RAB11FIP3: variants seen among roughly 807,000 people sequenced by gnomAD.
The protein encoded by RAB11FIP3 is rab11 family-interacting protein 3.
In RAB11FIP3, 17 loss-of-function variants were observed where a neutral mutation model predicts 77.8. That is an observed-to-expected ratio of 0.22 (90% CI 0.15 to 0.33). The LOEUF is 0.33. RAB11FIP3 is among the 10% of genes least tolerant of loss of function. The pLI, the probability that RAB11FIP3 is intolerant of heterozygous loss-of-function variation, is 1.00. For missense variants in RAB11FIP3, 1,005 were observed against 1,011.2 expected (o/e 0.99, Z 0.08); for synonymous variants, 437 against 448.2 (o/e 0.98, Z 0.31).
rs191348113 is a variant in RAB11FIP3, at chr16:465,653, A to G, written c.808+4156A>G. On this transcript the variant is annotated intron_variant, in intron 2 of 13. Coordinates refer to ENST00000262305, the MANE Select transcript of RAB11FIP3 (RefSeq NM_014700.4). The stretch of plus-strand genomic sequence containing the variant: ...GAGATGGAGTCTCGCTCTGTCGGCC[A>G]GGCTAGAGTGCAGTGGTGTGATCTC... Among the ~76,000 whole-genome samples the G allele has an allele frequency of 5.8e-3, 888 of 152,248 alleles. 6 individuals are homozygous for G. The highest frequency in any genetic ancestry group is 0.02 in the African/African-American group (827 of 41,540).
At chr16:439,200 T>C (rs1258788177) in intron 1 of RAB11FIP3, 1 of 152,236 alleles carries the variant, frequency 6.6e-6, no homozygotes, top group Non-Finnish European at 1.5e-5. Flanking sequence ...TTCAGTGTCA[T>C]GATTAGGGAG....
chr16:477,233 G>A (rs1327386059), intron 3 of RAB11FIP3, among the ~76,000 whole-genome samples: 1 of 152,102 alleles, frequency 6.6e-6, no homozygotes, highest in Non-Finnish European at 1.5e-5. Flanking sequence ...CAGCCTCGGC[G>A]ACAAGAGCGA....
At chr16:467,151 C>G (rs1465804988) in intron 2 of RAB11FIP3, among the ~76,000 whole-genome samples, 1 of 152,166 alleles carries the variant, frequency 6.6e-6, no homozygotes, top group African/African-American at 2.4e-5. Flanking sequence ...GCTAGGGAGG[C>G]AGAGGAGTGG....
intron 1 of RAB11FIP3, among the ~76,000 whole-genome samples, chr16:432,452 TC>T (rs1315436612): frequency 2.0e-5 from 3 of 151,790 alleles, no homozygotes; most frequent in African/African-American, 7.3e-5. Flanking sequence ...GCCCTTGTAA[TC>T]CCCCCATCCA....
rs937193950 is a variant in RAB11FIP3, at chr16:514,042, G to A, written c.1640+3242G>A. Among the ~76,000 whole-genome samples, 18 of 152,324 alleles carry A rather than the reference G, an allele frequency of 1.2e-4. No homozygotes were observed. The highest frequency in any genetic ancestry group is 4.1e-4 in the African/African-American group (17 of 41,574). On this transcript the variant is annotated intron_variant, in intron 9 of 13. Coordinates refer to ENST00000262305, the MANE Select transcript of RAB11FIP3 (RefSeq NM_014700.4). This position sits in a 1 kb window ranked among gnomAD's most constrained non-coding sequence, Gnocchi z 4.6. ...CGCCTCTGTGTGCTCTGGTGTGGAG[G>A]GGCACAAGATAGGGGTCTCACGAGG...
intron 5 of RAB11FIP3, among the ~76,000 whole-genome samples, chr16:493,966 C>T (rs963588167): frequency 1.4e-5 from 2 of 140,228 alleles, no homozygotes; most frequent in Non-Finnish European, 3.0e-5. Flanking sequence ...TGCGGTGGTG[C>T]GATCTCGGCT....
chr16:519,914 G>A (rs372557892), intron 11 of RAB11FIP3, 23 bp downstream of exon 11: 15 of 1,557,960 alleles, frequency 9.6e-6, no homozygotes, highest in African/African-American at 5.4e-5. Context: ...CCTGCCCCAC[G>A]CCCAGTCCTG....
At chr16:463,625 A>G (rs1212205325) in intron 2 of RAB11FIP3, among the ~76,000 whole-genome samples, 1 of 151,642 alleles carries the variant, frequency 6.6e-6, no homozygotes, top group Non-Finnish European at 1.5e-5. Context: ...TTTAGTAGAG[A>G]CAGGGTTTCT....
At chr16:476,776 C>CAA (rs1299433127) in intron 3 of RAB11FIP3, among the ~76,000 whole-genome samples, 9 of 53,658 alleles carry the variant, frequency 1.7e-4, no homozygotes, top group African/African-American at 5.8e-4. Context: ...GACTCTGTCT[C>CAA]AAAAAAAAAA....
intron 6 of RAB11FIP3, chr16:497,549 G>T: frequency 9.7e-7 from 1 of 1,028,570 alleles, no homozygotes; most frequent in Non-Finnish European, 1.2e-6. Context: ...AGCTTCCTCT[G>T]GAGCATCCCC....
intron 1 of RAB11FIP3, among the ~76,000 whole-genome samples, chr16:459,069 C>T (rs998040609): frequency 6.6e-6 from 1 of 151,750 alleles, no homozygotes; most frequent in African/African-American, 2.4e-5. Flanking sequence ...AATGTCATCA[C>T]ACCTACAAAA....
rs1205702131 is a variant in RAB11FIP3 at position 519,033 on chromosome 16, C to T, written c.1722+9C>T. On this transcript the variant is annotated intron_variant, in intron 10 of 13. Transcript: ENST00000262305. ...TTGAGCGTCTGGAGGAGGTGAGCTG[C>T]CAACAGCCTGGAGCTGTGGCCAGTG... 1.9e-6 allele frequency: 3 copies of T among 1,612,906 alleles called. No homozygotes were observed. The East Asian group carries it at 6.7e-5, about 36-fold the overall frequency.
intron 1 of RAB11FIP3, among the ~76,000 whole-genome samples, chr16:443,226 A>G (rs535999430): frequency 2.6e-5 from 4 of 152,150 alleles, no homozygotes; most frequent in African/African-American, 9.7e-5. Context: ...GAGTCTTGGC[A>G]TTTGGAACGG....
intron 1 of RAB11FIP3, among the ~76,000 whole-genome samples, chr16:432,718 G>A (rs1233580529): frequency 1.3e-5 from 2 of 150,314 alleles, no homozygotes; most frequent in African/African-American, 2.5e-5. Flanking sequence ...TCCTGCCTCA[G>A]ACTCCCTCAG....
intron 9 of RAB11FIP3, among the ~76,000 whole-genome samples, chr16:516,698 G>A (rs887792072): frequency 2.0e-5 from 3 of 151,404 alleles, no homozygotes; most frequent in African/African-American, 7.3e-5. Flanking sequence ...CCAACATGGT[G>A]AAACCCTGTC....
In RAB11FIP3 at chr16:510,646, C is replaced by G. The variant is rs770366876; in HGVS notation, c.1500-14C>G. 1 of 1,589,272 alleles carries G rather than the reference C, an allele frequency of 6.3e-7. No homozygotes were observed. Among genetic ancestry groups the G allele is most frequent in the Non-Finnish European group, 8.5e-7 (1 of 1,169,626 alleles). On this transcript the variant is annotated splice_polypyrimidine_tract_variant and intron_variant, in intron 8 of 13. Coordinates refer to ENST00000262305, the MANE Select transcript of RAB11FIP3 (RefSeq NM_014700.4). ...TGCCTGGAGACAGCTCAGCTCCTCC[C>G]TTTGCCTTTCAAGAGCAAACGCCCT...
In RAB11FIP3 at chr16:425,713, C is replaced by G. The variant is rs893437109; in HGVS notation, c.-294C>G. 1 of 298,700 alleles carries G rather than the reference C, an allele frequency of 3.3e-6. No homozygotes were observed. The highest frequency in any genetic ancestry group is 1.4e-4 in the South Asian group (1 of 6,932). The allele number at this position is 298,700 out of a possible 1,614,324, so 18.5% of individuals were successfully genotyped here. Reference sequence around the variant, plus strand: ...GGCCTCCGGCCTCCTCGGCCCCCGTCCCCCGGCCTCCTCGGCCCCCGTCCC... The same window carrying G: ...GGCCTCCGGCCTCCTCGGCCCCCGTGCCCCGGCCTCCTCGGCCCCCGTCCC... On this transcript the variant is annotated 5_prime_UTR_variant, in exon 1 of 14. Transcript: ENST00000262305.
At chr16:430,368 C>A (rs1046122422) in intron 1 of RAB11FIP3, among the ~76,000 whole-genome samples, 1 of 151,932 alleles carries the variant, frequency 6.6e-6, no homozygotes, top group African/African-American at 2.4e-5. Context: ...TAAGCAGTTG[C>A]GTTTTAATAG....
intron 6 of RAB11FIP3, among the ~76,000 whole-genome samples, chr16:502,237 G>A (rs1433464044): frequency 6.6e-6 from 1 of 152,286 alleles, no homozygotes; most frequent in Non-Finnish European, 1.5e-5. Context: ...GTGACCACAA[G>A]CACGCGCTTA....
Sources: gnomAD v4.1 joint callset for allele counts (sites outside exome capture counted in the v4.1 genomes callset) on GRCh38, gnomAD v4.1.1 for gene constraint, Gnocchi (gnomAD v3.1) non-coding constraint, MANE v1.5 for transcripts, NCBI Gene and HGNC (gene_info 2026-07-23, HGNC 2026-07-21) for gene names.